Variants in PSD3 observed in about 807,000 individuals in gnomAD.
PSD3 encodes the protein pleckstrin and Sec7 domain containing 3, also known as PH and SEC7 domain-containing protein 3.
A neutral mutation model predicts 105.5 loss-of-function variants in PSD3; 49 were observed. The ratio of observed to expected loss-of-function variants is 0.46; its 90% CI spans 0.37 to 0.59. The LOEUF (loss-of-function observed/expected upper bound fraction) is 0.59. Ranked by LOEUF, PSD3 falls within the 20% of genes least tolerant of loss-of-function variation. PSD3 has a pLI of 0.00. For missense variants in PSD3, 1,561 were observed against 1,263.8 expected (o/e 1.24, Z -3.57); for synonymous variants, 557 against 457.8 (o/e 1.22, Z -2.77).
intron 9 of PSD3, among the ~76,000 whole-genome samples, chr8:18,699,379 G>A (rs1249838241): frequency 2.0e-5 from 3 of 152,204 alleles, no homozygotes; most frequent in African/African-American, 4.8e-5. Context: ...ATACTGTGTT[G>A]GAGCCAGTCA....
chr8:19,043,058 A>G (rs1220827699), intron 1 of PSD3, among the ~76,000 whole-genome samples: 2 of 152,230 alleles, frequency 1.3e-5, no homozygotes, highest in Non-Finnish European at 2.9e-5. Flanking sequence ...TTGACCTTAC[A>G]GAAAGAAGAG....
At chr8:18,848,411 C>T (rs987326876) in intron 4 of PSD3, among the ~76,000 whole-genome samples, 1 of 152,156 alleles carries the variant, frequency 6.6e-6, no homozygotes, top group African/African-American at 2.4e-5. Flanking sequence ...CAGAGCTGGT[C>T]CCCTGGTTGC....
intron 2 of PSD3, among the ~76,000 whole-genome samples, chr8:18,910,637 T>TAAAAAAAA (rs34392783): frequency 8.2e-5 from 8 of 97,100 alleles, no homozygotes; most frequent in Non-Finnish European, 1.2e-4. Flanking sequence ...TAGAGTATAA[T>TAAAAAAAA]AAAAAAAAAA....
chr8:18,613,593 A>C (rs1805437668), intron 11 of PSD3, among the ~76,000 whole-genome samples: 1 of 152,076 alleles, frequency 6.6e-6, no homozygotes, highest in Non-Finnish European at 1.5e-5. Context: ...AATCTTAATG[A>C]ATGATACCTC....
intron 9 of PSD3, among the ~76,000 whole-genome samples, chr8:18,695,071 A>G (rs1364609028): frequency 6.6e-6 from 1 of 151,780 alleles, no homozygotes; most frequent in Non-Finnish European, 1.5e-5. Flanking sequence ...GGGTAAAACT[A>G]CTCCTTCCCC....
At chr8:18,855,816 G>A (rs561325237) in intron 4 of PSD3, among the ~76,000 whole-genome samples, 2 of 152,328 alleles carry the variant, frequency 1.3e-5, no homozygotes, top group South Asian at 2.1e-4. Flanking sequence ...GGGGCATAAA[G>A]AGGAGAGGAG....
chr8:18,767,824 G>A (rs1284817525), intron 8 of PSD3, among the ~76,000 whole-genome samples: 1 of 151,948 alleles, frequency 6.6e-6, no homozygotes, highest in East Asian at 1.9e-4. Context: ...CTACTACTAT[G>A]CATAAATGTA....
intron 9 of PSD3, among the ~76,000 whole-genome samples, chr8:18,669,326 T>C (rs1348046022): frequency 6.6e-6 from 1 of 152,258 alleles, no homozygotes; most frequent in African/African-American, 2.4e-5. Context: ...AAACCCTATA[T>C]ATTGTATGTT....
chr8:18,643,766 T>C (rs11203972), intron 10 of PSD3, among the ~76,000 whole-genome samples: 11,358 of 152,296 alleles, frequency 0.075, 563 homozygotes, highest in African/African-American at 0.14. Context: ...TCACTGGGCT[T>C]AGACGACCCA....
intron 1 of PSD3, among the ~76,000 whole-genome samples, chr8:19,035,003 A>G (rs1026544904): frequency 8.5e-5 from 13 of 152,276 alleles, no homozygotes; most frequent in African/African-American, 3.1e-4. Flanking sequence ...ATGGATGCTC[A>G]GGAGCAAACA....
intron 9 of PSD3, among the ~76,000 whole-genome samples, chr8:18,667,754 G>T (rs1799557764): frequency 6.6e-6 from 1 of 152,206 alleles, no homozygotes; most frequent in African/African-American, 2.4e-5. Context: ...GGAGGCTCAG[G>T]CGGGGCAAGG....
chr8:18,594,269 T>TATA (rs1803886278), intron 12 of PSD3, among the ~76,000 whole-genome samples: 1 of 12,966 alleles, frequency 7.7e-5, no homozygotes, highest in Non-Finnish European at 1.9e-4. Flanking sequence ...TATATATTAT[T>TATA]ATATATATTA....
chr8:18,535,306 A>G lies in PSD3; in HGVS notation c.*437T>C, dbSNP rs1407813618. 1.1e-5 allele frequency: 2 copies of G among 176,576 alleles called. No individual in the cohort carries two copies. Among genetic ancestry groups the G allele is most frequent in the African/African-American group, 4.8e-5 (2 of 41,820 alleles). The allele number at this position is 176,576 out of a possible 1,614,324, so 10.9% of individuals were successfully genotyped here. On this transcript the variant is annotated 3_prime_UTR_variant, in exon 16 of 16. Coordinates refer to ENST00000327040, the MANE Select transcript of PSD3 (RefSeq NM_015310.4). ...TCTGTGACTGGGCAAGATTTCACAT[A>G]TAAAGGCGTATATTAACTCCAGCTA...
chr8:18,620,428 G>T lies in PSD3; in HGVS notation c.2410+12185C>A, dbSNP rs536855117. Reference sequence around the variant, plus strand: ...TTAAGATATTTTATGGAGTTTGGAGGGCCAGGCATGGTGGCTTACACCTGT... The same window carrying T: ...TTAAGATATTTTATGGAGTTTGGAGTGCCAGGCATGGTGGCTTACACCTGT... On this transcript the variant is annotated intron_variant, in intron 11 of 15. Transcript: ENST00000327040. 2.0e-5 allele frequency among the ~76,000 whole-genome samples: 3 copies of T among 150,980 alleles called. No homozygotes were observed. In the East Asian group the frequency reaches 5.9e-4, roughly 30 times the overall value.
At chr8:18,588,536 C>T (rs955074973) in intron 12 of PSD3, among the ~76,000 whole-genome samples, 4 of 152,136 alleles carry the variant, frequency 2.6e-5, no homozygotes, top group African/African-American at 2.4e-5. Flanking sequence ...AATAGCAACC[C>T]GAACAATAAC....
chr8:18,545,297 A>C (rs1800390060), intron 15 of PSD3, among the ~76,000 whole-genome samples: 1 of 152,206 alleles, frequency 6.6e-6, no homozygotes, highest in Non-Finnish European at 1.5e-5. Flanking sequence ...GTTCCAAACC[A>C]CAAACAGAGC....
chr8:18,565,168 G>C (rs1801657876), intron 14 of PSD3, among the ~76,000 whole-genome samples: 1 of 152,076 alleles, frequency 6.6e-6, no homozygotes, highest in Non-Finnish European at 1.5e-5. Flanking sequence ...TGGTGGGGCT[G>C]GGAAATGTGC....
At chr8:18,909,410 G>A (rs546342683) in intron 2 of PSD3, among the ~76,000 whole-genome samples, 51 of 152,232 alleles carry the variant, frequency 3.4e-4, no homozygotes, top group African/African-American at 1.2e-3. Flanking sequence ...AGATAACTTA[G>A]CTATGGATAA....
At chr8:18,578,732 T>C (rs2717715) in intron 12 of PSD3, among the ~76,000 whole-genome samples, 75,256 of 130,124 alleles carry the variant, frequency 0.58, 18,827 homozygotes, top group South Asian at 0.69. Context: ...CTCTTAAAAA[T>C]GCAAAAAAAA....
Sources: allele counts gnomAD v4.1 joint callset (sites outside exome capture counted in the v4.1 genomes callset), GRCh38; gene constraint gnomAD v4.1.1; transcripts MANE v1.5; gene names NCBI Gene and HGNC (gene_info 2026-07-23, HGNC 2026-07-21).